DOCK4: variants seen among roughly 807,000 people sequenced by gnomAD.
The protein encoded by DOCK4 is dedicator of cytokinesis protein 4.
Under a neutral mutation model 268.1 loss-of-function variants are expected in DOCK4, and 97 were observed. The observed-to-expected ratio is 0.36, with a 90% CI of 0.31 to 0.43. The LOEUF is 0.43. Ranked by LOEUF, DOCK4 falls within the 20% of genes least tolerant of loss-of-function variation. The pLI is 1.00. For synonymous variants in DOCK4, 954 were observed against 887.2 expected (o/e 1.08, Z -1.34); for missense variants, 2,145 against 2,455.7 (o/e 0.87, Z 2.67).
chr7:111,824,229 T>A (rs1033437165), intron 26 of DOCK4, among the ~76,000 whole-genome samples: 6 of 152,212 alleles, frequency 3.9e-5, no homozygotes, highest in Non-Finnish European at 7.3e-5. Flanking sequence ...TGAGAAGCCC[T>A]TTCTAATGCA....
intron 52 of DOCK4, among the ~76,000 whole-genome samples, chr7:111,730,233 C>A (rs1794988376): frequency 6.6e-6 from 1 of 152,192 alleles, no homozygotes; most frequent in Non-Finnish European, 1.5e-5. Flanking sequence ...ATGCTGCACA[C>A]TGTATACTCC....
At chr7:111,881,310 G>A (rs1562839873) in intron 16 of DOCK4, among the ~76,000 whole-genome samples, 1 of 152,064 alleles carries the variant, frequency 6.6e-6, no homozygotes, top group Non-Finnish European at 1.5e-5. Flanking sequence ...TGGCAAACAG[G>A]CATATAAAAA....
At chr7:111,985,499 T>C (rs1019184110) in intron 6 of DOCK4, among the ~76,000 whole-genome samples, 2 of 152,170 alleles carry the variant, frequency 1.3e-5, no homozygotes, top group Admixed American at 6.5e-5. Context: ...AATTCTTCCA[T>C]GCCCTCCCCC....
intron 4 of DOCK4, among the ~76,000 whole-genome samples, chr7:111,994,860 T>C (rs1586597329): frequency 6.6e-6 from 1 of 152,176 alleles, no homozygotes; most frequent in Non-Finnish European, 1.5e-5. Context: ...TATTTGAATA[T>C]TCGTTCCAAA....
At chr7:112,144,079 G>T (rs1460070814) in intron 1 of DOCK4, among the ~76,000 whole-genome samples, 2 of 152,124 alleles carry the variant, frequency 1.3e-5, no homozygotes, top group Non-Finnish European at 2.9e-5. Flanking sequence ...TCTTTTGGGG[G>T]ACTCAGTTTC....
chr7:111,739,275 C>T (rs1184688303), intron 48 of DOCK4, 32 bp from the exon 49 acceptor site: 1 of 1,603,096 alleles, frequency 6.2e-7, no homozygotes, highest in Non-Finnish European at 8.5e-7. Flanking sequence ...GGATCATCAG[C>T]ATGGTAGTGG....
chr7:112,178,982 T>C (rs1021622267), intron 1 of DOCK4, among the ~76,000 whole-genome samples: 9 of 152,186 alleles, frequency 5.9e-5, no homozygotes, highest in African/African-American at 2.2e-4. Flanking sequence ...AATGAACCTA[T>C]GATGGGACAC....
intron 51 of DOCK4, chr7:111,732,622 T>A (rs1360162375): frequency 7.9e-6 from 2 of 254,414 alleles, no homozygotes; most frequent in Non-Finnish European, 1.5e-5. Flanking sequence ...TCTCATAAGG[T>A]GCTTTTAGGT....
At chr7:112,013,790 G>C (rs2135375579) in intron 1 of DOCK4, among the ~76,000 whole-genome samples, 1 of 145,256 alleles carries the variant, frequency 6.9e-6, no homozygotes, top group East Asian at 1.9e-4. Context: ...GGCTTAGTCT[G>C]TACCCTAACT....
chr7:111,765,053 T>C lies in DOCK4; in HGVS notation c.4020+65A>G, dbSNP rs552490760. The C allele has an allele frequency of 1.8e-5, 13 of 733,134 alleles. No individual in the cohort carries two copies. In the Admixed American group the frequency reaches 1.9e-4, roughly 11 times the overall value. 45.4% of individuals were successfully genotyped at this position (733,134 alleles called of 1,614,324 possible). A position where few individuals can be genotyped will look rare whatever the true frequency, so the allele number is the denominator to read the frequency against. On this transcript the variant is annotated intron_variant, in intron 39 of 52. Transcript: ENST00000428084. ...GTCATATAAAATGTCATTAACATCT[T>C]AGTTTTCTTGATTGGGATATCTATA...
intron 10 of DOCK4, 100 bp from the exon 11 acceptor site, chr7:111,940,342 AT>A: frequency 6.6e-7 from 1 of 1,516,456 alleles, no homozygotes; most frequent in Non-Finnish European, 9.1e-7. Flanking sequence ...TTGAAATGTA[AT>A]TGGGCAATAA....
intron 16 of DOCK4, among the ~76,000 whole-genome samples, chr7:111,886,442 C>G (rs1456087942): frequency 6.6e-6 from 1 of 152,174 alleles, no homozygotes; most frequent in East Asian, 1.9e-4. Context: ...GATCTCCACA[C>G]TTATCTGTTA....
chr7:111,906,704 G>A (rs559773836), intron 13 of DOCK4, among the ~76,000 whole-genome samples: 34 of 152,250 alleles, frequency 2.2e-4, no homozygotes, highest in African/African-American at 7.5e-4. Flanking sequence ...TATAATCACA[G>A]GGTCCTTGAA....
At chr7:111,985,393 CA>C (rs1200514464) in intron 6 of DOCK4, among the ~76,000 whole-genome samples, 2 of 152,216 alleles carry the variant, frequency 1.3e-5, no homozygotes, top group African/African-American at 2.4e-5. Flanking sequence ...AAATCCTTTT[CA>C]CATCACCACT....
At chr7:111,999,417 C>A (rs1296128373) in intron 3 of DOCK4, among the ~76,000 whole-genome samples, 1 of 151,856 alleles carries the variant, frequency 6.6e-6, no homozygotes, top group Non-Finnish European at 1.5e-5. Context: ...TAGAGTAATT[C>A]TAACTAATCA....
chr7:112,069,456 T>G (rs928552244), intron 1 of DOCK4, among the ~76,000 whole-genome samples: 1 of 152,314 alleles, frequency 6.6e-6, no homozygotes, highest in East Asian at 1.9e-4. Flanking sequence ...TGAATCTCAA[T>G]TCTACCTCTT....
chr7:112,179,214 CCT>C (rs1489273165), intron 1 of DOCK4, among the ~76,000 whole-genome samples: 2 of 151,978 alleles, frequency 1.3e-5, no homozygotes, highest in African/African-American at 4.8e-5. Context: ...TAGGGAGACC[CCT>C]GTCTCTACAA....
chr7:111,843,153 A>G (rs1281852234), intron 25 of DOCK4, among the ~76,000 whole-genome samples: 1 of 152,214 alleles, frequency 6.6e-6, no homozygotes, highest in African/African-American at 2.4e-5. Context: ...ATATAAAACT[A>G]TACTACTTTT....
intron 45 of DOCK4, 79 bp from the exon 46 acceptor site, chr7:111,741,740 G>C: frequency 3.3e-6 from 5 of 1,515,862 alleles, no homozygotes; most frequent in Non-Finnish European, 4.4e-6. Flanking sequence ...TAGCATACTA[G>C]GCACACATCC....
Sources: allele counts gnomAD v4.1 joint callset (sites outside exome capture counted in the v4.1 genomes callset), GRCh38; gene constraint gnomAD v4.1.1; transcripts MANE v1.5; gene names NCBI Gene and HGNC (gene_info 2026-07-23, HGNC 2026-07-21).